Variants in DNAJC15 observed in about 807,000 individuals in gnomAD.
DNAJC15 encodes dnaJ homolog subfamily C member 15.
In DNAJC15, 27 loss-of-function variants were observed where a neutral mutation model predicts 22.4. That is an observed-to-expected ratio of 1.20 (90% confidence interval 0.89 to 1.66). DNAJC15 has a LOEUF of 1.66. Ranked by LOEUF, DNAJC15 falls within the 40% of genes most tolerant of loss-of-function variation. DNAJC15 has a pLI of 0.00. For synonymous variants in DNAJC15, 79 were observed against 63.2 expected, an observed-to-expected ratio of 1.25 and a Z score of -1.19; for missense variants, 208 against 187.1, an observed-to-expected ratio of 1.11 and a Z score of -0.65.
At chr13:43,032,701 T>G (rs933053043) in intron 1 of DNAJC15, among the ~76,000 whole-genome samples, 5 of 152,138 alleles carry the variant, frequency 3.3e-5, no homozygotes, top group Non-Finnish European at 7.4e-5. Context: ...GGTGCACACC[T>G]GTAGTCCCAG....
At chr13:43,052,084 C>T (rs770380288) in intron 1 of DNAJC15, among the ~76,000 whole-genome samples, 10 of 151,992 alleles carry the variant, frequency 6.6e-5, no homozygotes, top group Non-Finnish European at 1.0e-4. Flanking sequence ...CCTGCCTCAG[C>T]CTGCCGAGTA....
chr13:43,082,039 A>G (rs2040664379), intron 4 of DNAJC15, among the ~76,000 whole-genome samples: 1 of 152,120 alleles, frequency 6.6e-6, no homozygotes, highest in Non-Finnish European at 1.5e-5. Context: ...CAGCACAGGA[A>G]AACCCGCCCC....
Position 43,109,129 on chromosome 13 carries a change from G to A in DNAJC15, c.*1881G>A, listed in dbSNP as rs554011587. 4.6e-5 allele frequency: 7 copies of A among 152,280 alleles called. No individual in the cohort carries two copies. The East Asian group carries it at 1.2e-3, about 25-fold the overall frequency. The allele number at this position is 152,280 out of a possible 1,614,324, so 9.4% of individuals were successfully genotyped here. A position where few individuals can be genotyped will look rare whatever the true frequency, so the allele number is the denominator to read the frequency against. On this transcript the variant is annotated 3_prime_UTR_variant, in exon 6 of 6. Transcript: ENST00000379221. ...GCAGGCATTGTATCTGTCTTGTTTG[G>A]TGTTACATTGGCACCCAATAAATAT...
chr13:43,048,525 C>T (rs1184886353), intron 1 of DNAJC15, among the ~76,000 whole-genome samples: 2 of 152,244 alleles, frequency 1.3e-5, no homozygotes, highest in East Asian at 3.9e-4. Context: ...GCTTAAATAC[C>T]CTTGTCCCAT....
At chr13:43,038,272 C>A (rs1272664541) in intron 1 of DNAJC15, among the ~76,000 whole-genome samples, 1 of 152,172 alleles carries the variant, frequency 6.6e-6, no homozygotes, top group Non-Finnish European at 1.5e-5. Context: ...CTAGCATCAG[C>A]CATCAGTTCA....
intron 1 of DNAJC15, among the ~76,000 whole-genome samples, chr13:43,031,949 A>T (rs1286377940): frequency 6.6e-6 from 1 of 152,232 alleles, no homozygotes; most frequent in Non-Finnish European, 1.5e-5. Context: ...GTTGTTGAGA[A>T]ATGAAACTAG....
At chr13:43,035,108 G>C (rs896343196) in intron 1 of DNAJC15, among the ~76,000 whole-genome samples, 3 of 152,190 alleles carry the variant, frequency 2.0e-5, no homozygotes, top group African/African-American at 7.2e-5. Flanking sequence ...GCTGCTTTCA[G>C]TCCATCAAGG....
At chr13:43,044,612 T>C (rs1280183536) in intron 1 of DNAJC15, among the ~76,000 whole-genome samples, 2 of 152,194 alleles carry the variant, frequency 1.3e-5, no homozygotes, top group African/African-American at 2.4e-5. Flanking sequence ...TTGCAAAGAC[T>C]TTATTTTCTT....
chr13:43,066,323 A>T (rs78744329), intron 2 of DNAJC15, among the ~76,000 whole-genome samples: 1 of 151,076 alleles, frequency 6.6e-6, no homozygotes, highest in African/African-American at 2.4e-5. Flanking sequence ...CCCTTTCCTT[A>T]CCCTTCCTGG....
At chr13:43,035,094 G>A (rs566803302) in intron 1 of DNAJC15, among the ~76,000 whole-genome samples, 1 of 152,228 alleles carries the variant, frequency 6.6e-6, no homozygotes, top group South Asian at 2.1e-4. Flanking sequence ...TGGTACACGT[G>A]GCTGCTGCTT....
chr13:43,047,517 T>A (rs1228643577), intron 1 of DNAJC15, among the ~76,000 whole-genome samples: 2 of 152,088 alleles, frequency 1.3e-5, no homozygotes, highest in African/African-American at 2.4e-5. Context: ...ACATGGAATG[T>A]CTGTGACGTT....
rs2040812731 is a variant in DNAJC15 at position 43,109,122 on chromosome 13, T to A, written c.*1874T>A. On this transcript the variant is annotated 3_prime_UTR_variant, in exon 6 of 6. Transcript: ENST00000379221. ...TCTGAGAGCAGGCATTGTATCTGTC[T>A]TGTTTGGTGTTACATTGGCACCCAA... The A allele has an allele frequency of 6.6e-6, 1 of 152,236 alleles. No individual in the cohort carries two copies. Among genetic ancestry groups the A allele is most frequent in the South Asian group, 2.1e-4 (1 of 4,836 alleles). The allele number at this position is 152,236 out of a possible 1,614,324, so 9.4% of individuals were successfully genotyped here. A position where few individuals can be genotyped will look rare whatever the true frequency, so the allele number is the denominator to read the frequency against.
At chr13:43,061,799 C>G (rs912088641) in intron 1 of DNAJC15, among the ~76,000 whole-genome samples, 1 of 152,236 alleles carries the variant, frequency 6.6e-6, no homozygotes, top group Non-Finnish European at 1.5e-5. Context: ...CCAAGCCCCA[C>G]CTCATTACAT....
At position 43,111,708 on chromosome 13, in the gene DNAJC15, C is replaced by T. The variant is rs994236674; in HGVS notation, c.*4460C>T. ...ATTTCACACAGTGGAACCATGCTGT[C>T]CTCGGGCACCCTGCACCTCGCCCAA... On this transcript the variant is annotated 3_prime_UTR_variant, in exon 6 of 6. Coordinates refer to ENST00000379221, the MANE Select transcript of DNAJC15 (RefSeq NM_013238.3). The T allele has an allele frequency of 1.3e-5, 2 of 152,194 alleles. No individual in the cohort carries two copies. The highest frequency in any genetic ancestry group is 2.9e-5 in the Non-Finnish European group (2 of 68,040). 9.4% of individuals were successfully genotyped at this position (152,194 alleles called of 1,614,324 possible).
chr13:43,054,151 T>C lies in DNAJC15; in HGVS notation c.109-11535T>C, dbSNP rs188065225. On this transcript the variant is annotated intron_variant, in intron 1 of 5. Transcript: ENST00000379221. ...TTTTGTCAAATGCTTTTTCTGTGCC[T>C]GTTGAGATGATCGGGTGATTGTTGT... is the stretch of plus-strand genomic sequence containing the variant. Among the ~76,000 whole-genome samples, 43 of 152,346 alleles carry C rather than the reference T, an allele frequency of 2.8e-4. 1 individual carries two copies. The East Asian group carries it at 6.2e-3, about 22-fold the overall frequency.
At chr13:43,102,351 TTG>T (rs1443605276) in intron 5 of DNAJC15, among the ~76,000 whole-genome samples, 2 of 152,226 alleles carry the variant, frequency 1.3e-5, no homozygotes, top group Non-Finnish European at 2.9e-5. Context: ...GATACACAGT[TTG>T]TGAGATTTTC....
At chr13:43,057,500 T>C (rs1225439195) in intron 1 of DNAJC15, among the ~76,000 whole-genome samples, 4 of 152,326 alleles carry the variant, frequency 2.6e-5, no homozygotes, top group Admixed American at 2.6e-4. Flanking sequence ...TTTATCCATA[T>C]ACTGTATTAT....
At chr13:43,066,357 TG>T (rs1250941935) in intron 2 of DNAJC15, among the ~76,000 whole-genome samples, 3 of 152,154 alleles carry the variant, frequency 2.0e-5, no homozygotes, top group Non-Finnish European at 4.4e-5. Flanking sequence ...CCTTCATCCT[TG>T]GCTCATGGAC....
intron 5 of DNAJC15, among the ~76,000 whole-genome samples, chr13:43,089,775 TAAG>T (rs1265561274): frequency 6.6e-6 from 1 of 152,234 alleles, no homozygotes; most frequent in East Asian, 1.9e-4. Context: ...GTACACCTTT[TAAG>T]AAGTCATTTT....
Sources: allele counts gnomAD v4.1 joint callset (sites outside exome capture counted in the v4.1 genomes callset), GRCh38; gene constraint gnomAD v4.1.1; transcripts MANE v1.5; gene names NCBI Gene and HGNC (gene_info 2026-07-23, HGNC 2026-07-21).